MARVELD2: variants seen among roughly 807,000 people sequenced by gnomAD.
MARVELD2 encodes the protein MARVEL domain containing 2.
MARVELD2 carries 49 observed loss-of-function variants against 57.6 expected under a neutral mutation model. That is an observed-to-expected ratio of 0.85 (90% CI 0.68 to 1.08). The LOEUF (loss-of-function observed/expected upper bound fraction) is 1.08, where lower values mean the gene tolerates loss of function less well. MARVELD2 is among the 50% of genes least tolerant of loss of function. MARVELD2 has a pLI of 0.00. For missense variants in MARVELD2, 606 were observed against 701.1 expected (o/e 0.86, Z 1.53); for synonymous variants, 238 against 258.8 (o/e 0.92, Z 0.77).
intron 2 of MARVELD2, 97 bp downstream of exon 2, chr5:69,420,628 C>A: frequency 1.7e-6 from 2 of 1,176,704 alleles, no homozygotes; most frequent in Non-Finnish European, 2.4e-6. Context: ...AAACAGAAAG[C>A]TTTCATAGAA....
At chr5:69,418,176 T>C (rs1223243959) in intron 1 of MARVELD2, among the ~76,000 whole-genome samples, 1 of 152,168 alleles carries the variant, frequency 6.6e-6, no homozygotes, top group African/African-American at 2.4e-5. Context: ...GAGACCTTCA[T>C]AGTATCAAGT....
rs1432915536 is a variant in MARVELD2 at position 69,419,534 on chromosome 5, C to G, written c.149C>G (p.Pro50Arg). The change falls in exon 2 of 7, where the codon CCT (proline) becomes CGT (arginine). Residue 50 changes from proline (P) to arginine (R), a missense_variant. Transcript: ENST00000325631. ...AGCGCTGATCCCTTGCCACCACCCC[C>G]TCTCCCATTACAGCCACCATTCGGC... ...AVSADPLPPP[P>R]LPLQPPFGPD... 3.1e-6 allele frequency: 5 copies of G among 1,614,188 alleles called. No individual in the cohort carries two copies. The highest frequency in any genetic ancestry group is 4.2e-6 in the Non-Finnish European group (5 of 1,180,044).
chr5:69,436,508 C>T (rs193146449), intron 5 of MARVELD2, among the ~76,000 whole-genome samples: 2 of 151,488 alleles, frequency 1.3e-5, no homozygotes, highest in East Asian at 1.9e-4. Context: ...ATCACAGACT[C>T]TTTGTTAAGT....
Position 69,440,361 on chromosome 5 carries a change from AT to A in MARVELD2, c.1504-83del, listed in dbSNP as rs2150934359. 4.4e-6 allele frequency: 3 copies of A among 686,340 alleles called. No individual in the cohort carries two copies. The East Asian group carries it at 8.0e-5, about 18-fold the overall frequency. 42.5% of individuals were successfully genotyped at this position (686,340 alleles called of 1,614,324 possible). ...TTCATTATTTTCTTAGGTAAAAATT[AT>A]TTTTTGTTCTAATTCTCAGTGTGCT... On this transcript the variant is annotated intron_variant, in intron 5 of 6. Coordinates refer to ENST00000325631, the MANE Select transcript of MARVELD2 (RefSeq NM_001038603.3).
At chr5:69,424,689 CT>C in intron 3 of MARVELD2, 53 bp downstream of exon 3, 2 of 1,390,042 alleles carry the variant, frequency 1.4e-6, no homozygotes, top group Non-Finnish European at 2.0e-6. Context: ...ATACTTTTCT[CT>C]TAGGTCTGTT....
rs567097902 is a variant in MARVELD2 at position 69,430,073 on chromosome 5, T to C, written c.1183-2454T>C. 2.6e-5 allele frequency among the ~76,000 whole-genome samples: 4 copies of C among 151,942 alleles called. No homozygotes were observed. In the South Asian group the frequency reaches 8.3e-4, roughly 32 times the overall value. On this transcript the variant is annotated intron_variant, in intron 3 of 6. Coordinates refer to ENST00000325631, the MANE Select transcript of MARVELD2 (RefSeq NM_001038603.3). ...GGTGCATGCCACCACACCCAGTTAA[T>C]TTTTTATTTTTTGGCCAGGCACTGT...
chr5:69,419,502 G>T lies in MARVELD2; in HGVS notation c.117G>T (p.Arg39=), dbSNP rs752493567. 2.5e-6 allele frequency: 4 copies of T among 1,613,802 alleles called. No individual in the cohort carries two copies. Among genetic ancestry groups the T allele is most frequent in the African/African-American group, 2.7e-5 (2 of 74,876 alleles). Residue 39 remains arginine, a synonymous_variant, in exon 2 of 7, where the codon CGG becomes CGT. Coordinates refer to ENST00000325631, the MANE Select transcript of MARVELD2 (RefSeq NM_001038603.3). ...RTHPTLHDSE[R]AVSADPLPPP... ...ACCCAACTCTTCATGACAGTGAGCG[G>T]GCAGTGAGCGCTGATCCCTTGCCAC...
chr5:69,416,904 C>G (rs1766447302), intron 1 of MARVELD2, among the ~76,000 whole-genome samples: 1 of 152,166 alleles, frequency 6.6e-6, no homozygotes, highest in African/African-American at 2.4e-5. Context: ...CAAGTCAAGT[C>G]ATGTCACTCC....
At chr5:69,429,122 G>A (rs191687367) in intron 3 of MARVELD2, among the ~76,000 whole-genome samples, 35 of 152,220 alleles carry the variant, frequency 2.3e-4, no homozygotes, top group Non-Finnish European at 5.0e-4. Flanking sequence ...GAGACCAAGT[G>A]GCGAGGCATG....
Position 69,432,821 on chromosome 5 carries a change from TTGAAG to T in MARVELD2, c.1332-100_1332-96del, listed in dbSNP as rs1430346744. 1.7e-5 allele frequency: 27 copies of T among 1,544,104 alleles called. No individual in the cohort carries two copies. The Admixed American group carries it at 4.4e-4, about 25-fold the overall frequency. On this transcript the variant is annotated intron_variant, in intron 4 of 6. Transcript: ENST00000325631. ...GTTATCTGAGAGGTAATGTATTGAATTGAAGGTACAATATGATCAGTAAGGAATAA... is the reference window on the plus strand; with the variant it reads ...GTTATCTGAGAGGTAATGTATTGAATGTACAATATGATCAGTAAGGAATAA...
intron 3 of MARVELD2, among the ~76,000 whole-genome samples, chr5:69,427,376 A>G (rs1325228428): frequency 1.3e-5 from 2 of 151,706 alleles, no homozygotes; most frequent in Admixed American, 6.6e-5. Flanking sequence ...ATACTGAAAC[A>G]CATAGCTAGT....
In MARVELD2 at chr5:69,419,721, A is replaced by T. The variant is rs746567731; in HGVS notation, c.336A>T (p.Gly112=). The T allele has an allele frequency of 6.2e-7, 1 of 1,614,126 alleles. No individual in the cohort carries two copies. The highest frequency in any genetic ancestry group is 8.5e-7 in the Non-Finnish European group (1 of 1,180,040). The change falls in exon 2 of 7, where the codon GGA becomes GGT. Residue 112 remains glycine, a synonymous_variant. Transcript: ENST00000325631. ...CTGATATCAGGTACATCTCCGATGG[A>T]GTGGAGTGTTCACCACCAGCCTCTC... The part of the protein sequence containing the change: ...PVSDIRYISD[G]VECSPPASPA...
Position 69,433,068 on chromosome 5 carries a change from T to G in MARVELD2, c.1478T>G (p.Leu493Trp). The change falls in exon 5 of 7, where the codon TTG (leucine) becomes TGG (tryptophan). Residue 493 changes from leucine to tryptophan, a missense_variant. Transcript: ENST00000325631. ...FDELDAVMSR[L>W]PHHSESRQEH... Reference sequence around the variant, plus strand: ...GAGCTGGATGCAGTGATGAGCAGATTGCCACATCATTCGGAAAGCCGACAG... The same window carrying G: ...GAGCTGGATGCAGTGATGAGCAGATGGCCACATCATTCGGAAAGCCGACAG... 4 of 1,613,914 alleles carry G rather than the reference T, an allele frequency of 2.5e-6. No individual in the cohort carries two copies. Among genetic ancestry groups the G allele is most frequent in the Non-Finnish European group, 3.4e-6 (4 of 1,179,982 alleles).
chr5:69,430,624 C>T (rs1041233331), intron 3 of MARVELD2, among the ~76,000 whole-genome samples: 1 of 151,948 alleles, frequency 6.6e-6, no homozygotes, highest in Admixed American at 6.6e-5. Context: ...ACCTCCGCCT[C>T]CCGGGCTCAA....
rs756878174 is a variant in MARVELD2, at chr5:69,441,825, G to A, written c.*171G>A. The A allele has an allele frequency of 2.5e-4, 121 of 490,234 alleles. No individual in the cohort carries two copies. The highest frequency in any genetic ancestry group is 3.5e-4 in the South Asian group (15 of 42,574). The allele number at this position is 490,234 out of a possible 1,614,324, so 30.4% of individuals were successfully genotyped here. The stretch of plus-strand genomic sequence containing the variant: ...AGCAATTAGCCTCCCCAGTAGCTGG[G>A]ATTACAGGCGTGCGCTGCCACACCC... On this transcript the variant is annotated 3_prime_UTR_variant, in exon 7 of 7. Transcript: ENST00000325631.
intron 3 of MARVELD2, among the ~76,000 whole-genome samples, chr5:69,425,645 G>A (rs1026299643): frequency 6.6e-6 from 1 of 151,232 alleles, no homozygotes. Context: ...GTTCTGTGCT[G>A]TTCTTTGTAT....
At chr5:69,426,348 A>ATTATTATTATTATTTTTTTTT (rs1481729578) in intron 3 of MARVELD2, among the ~76,000 whole-genome samples, 1 of 147,484 alleles carries the variant, frequency 6.8e-6, no homozygotes, top group African/African-American at 2.5e-5. Flanking sequence ...TATTATTATT[A>ATTATTATTATTATTTTTTTTT]TTTTTAGACA....
chr5:69,427,405 T>TC (rs981840178), intron 3 of MARVELD2, among the ~76,000 whole-genome samples: 1 of 139,534 alleles, frequency 7.2e-6, no homozygotes, highest in African/African-American at 2.7e-5. Context: ...TATCTTTTCC[T>TC]TTTTTTTTTT....
chr5:69,437,633 G>A (rs1230921374), intron 5 of MARVELD2, among the ~76,000 whole-genome samples: 1 of 149,532 alleles, frequency 6.7e-6, no homozygotes, highest in African/African-American at 2.5e-5. Flanking sequence ...GCAGTGAGAC[G>A]AGATTGTGCC....
Sources: allele counts gnomAD v4.1 joint callset (sites outside exome capture counted in the v4.1 genomes callset), GRCh38; gene constraint gnomAD v4.1.1; transcripts MANE v1.5; gene names NCBI Gene and HGNC (gene_info 2026-07-23, HGNC 2026-07-21).